Variants in TF observed in about 807,000 individuals in gnomAD.
TF encodes serotransferrin.
In TF, 55 loss-of-function variants were observed where a neutral mutation model predicts 82.4. The ratio of observed to expected loss-of-function variants is 0.67; its 90% CI spans 0.54 to 0.84. The LOEUF is 0.84. Ranked by LOEUF, TF falls within the 40% of genes least tolerant of loss-of-function variation. TF has a pLI of 0.00. For missense variants in TF, 737 were observed against 868.4 expected (o/e 0.85, Z 1.90); for synonymous variants, 332 against 332.6 (o/e 1.00, Z 0.02).
upstream of TF, among the ~76,000 whole-genome samples, chr3:133,744,014 G>T (rs568385855): frequency 1.3e-5 from 2 of 152,186 alleles, no homozygotes; most frequent in South Asian, 4.1e-4. Context: ...TGTAGATGAC[G>T]TGGGAGCACC....
In TF at chr3:133,777,090, T is replaced by G; in HGVS notation, c.1914T>G (p.Phe638Leu). 1 of 1,614,220 alleles carries G rather than the reference T, an allele frequency of 6.2e-7. No homozygotes were observed. The highest frequency in any genetic ancestry group is 8.5e-7 in the Non-Finnish European group (1 of 1,180,034). The change falls in exon 16 of 17, where the codon TTT becomes TTG. Residue 638 changes from phenylalanine to leucine, a missense_variant. Phe to Leu is a conservative substitution (Grantham distance 22). Coordinates refer to ENST00000402696, the MANE Select transcript of TF (RefSeq NM_001063.4). ...ACGTAACTGACTGCTCGGGCAACTT[T>G]TGTTTGTTCCGGTCGGAAACCAAGG... ...GSNVTDCSGN[F>L]CLFRSETKDL...
At position 133,779,298 on chromosome 3, in the gene TF, G is replaced by C. The variant is rs1934467584; in HGVS notation, c.*678G>C. The C allele has an allele frequency of 6.6e-6, 1 of 152,492 alleles. No homozygotes were observed. The highest frequency in any genetic ancestry group is 2.4e-5 in the African/African-American group (1 of 41,436). 9.4% of individuals were successfully genotyped at this position (152,492 alleles called of 1,614,324 possible). A position where few individuals can be genotyped will look rare whatever the true frequency, so the allele number is the denominator to read the frequency against. The stretch of plus-strand genomic sequence containing the variant: ...CCTTCTCAGCCCAGCTTCCTGTAAG[G>C]TGGAGGCTGACTTTTCTGTCTCACT... On this transcript the variant is annotated 3_prime_UTR_variant, in exon 17 of 17. Transcript: ENST00000402696.
At chr3:133,756,207 G>A (rs1426392333) in intron 5 of TF, 75 bp from the exon 6 acceptor site, 1 of 1,448,312 alleles carries the variant, frequency 6.9e-7, no homozygotes, top group East Asian at 2.3e-5. Context: ...GTGCTGGACA[G>A]TGTGATCAGA....
At chr3:133,768,374 T>C (rs562238536) in intron 13 of TF, among the ~76,000 whole-genome samples, 1 of 152,302 alleles carries the variant, frequency 6.6e-6, no homozygotes, top group Non-Finnish European at 1.5e-5. Context: ...AGCAGAGACT[T>C]GTGTTTGGTA....
chr3:133,704,413 A>T, the TF span: 1 of 180,092 alleles, frequency 5.6e-6, no homozygotes, highest in Admixed American at 5.7e-5. Flanking sequence ...TAGTGTTGAG[A>T]TAATAACTAT....
intron 1 of TF, among the ~76,000 whole-genome samples, chr3:133,746,895 G>A (rs1933517324): frequency 6.6e-6 from 1 of 152,192 alleles, no homozygotes; most frequent in Non-Finnish European, 1.5e-5. Flanking sequence ...GTCCTGCCAA[G>A]GAAGCGGTGC....
At chr3:133,693,612 G>A in the TF span, among the ~76,000 whole-genome samples, 2 of 152,264 alleles carry the variant, frequency 1.3e-5, no homozygotes, top group Non-Finnish European at 2.9e-5. Flanking sequence ...TCAGTGTCAG[G>A]TGCTACTGGA....
chr3:133,706,088 C>T, the TF span, among the ~76,000 whole-genome samples: 8 of 152,226 alleles, frequency 5.3e-5, no homozygotes, highest in African/African-American at 2.4e-5. Flanking sequence ...TGCCAGGAGG[C>T]GGCTGCACCT....
chr3:133,672,440 A>G, the TF span, among the ~76,000 whole-genome samples: 1 of 151,880 alleles, frequency 6.6e-6, no homozygotes, highest in Admixed American at 6.6e-5. Flanking sequence ...TCTCTCACGA[A>G]CACAAATGCA....
intron 13 of TF, among the ~76,000 whole-genome samples, chr3:133,769,401 A>T (rs550733939): frequency 7.2e-5 from 11 of 152,322 alleles, no homozygotes; most frequent in African/African-American, 2.6e-4. Flanking sequence ...TGGTGATAAC[A>T]TATGTTTGAG....
intron 2 of TF, among the ~76,000 whole-genome samples, chr3:133,750,350 A>T (rs1255089975): frequency 6.6e-6 from 1 of 152,122 alleles, no homozygotes; most frequent in Non-Finnish European, 1.5e-5. Context: ...CAAGTGTGGG[A>T]AATTCTACAG....
At chr3:133,706,655 C>T in the TF span, among the ~76,000 whole-genome samples, 4 of 152,104 alleles carry the variant, frequency 2.6e-5, no homozygotes, top group African/African-American at 9.7e-5. Flanking sequence ...AGGTGAAAAC[C>T]AAGTGCATAC....
Position 133,782,528 on chromosome 3 carries a change from G to A in TF, c.*3908G>A, listed in dbSNP as rs2107940375. ...GGAGGATATTAAGTGAAATAAGGCAGATACAGAAAGAAAAATATTACACGA... is the reference window on the plus strand; with the variant it reads ...GGAGGATATTAAGTGAAATAAGGCAAATACAGAAAGAAAAATATTACACGA... On this transcript the variant is annotated 3_prime_UTR_variant, in exon 17 of 17. Coordinates refer to ENST00000402696, the MANE Select transcript of TF (RefSeq NM_001063.4). 6.6e-6 allele frequency: 1 copy of A among 152,160 alleles called. No individual in the cohort carries two copies. Among genetic ancestry groups the A allele is most frequent in the South Asian group, 2.1e-4 (1 of 4,814 alleles). The allele number at this position is 152,160 out of a possible 1,614,324, so 9.4% of individuals were successfully genotyped here. A position where few individuals can be genotyped will look rare whatever the true frequency, so the allele number is the denominator to read the frequency against.
At chr3:133,665,935 C>CAAAAAA in the TF span, among the ~76,000 whole-genome samples, 3 of 52,042 alleles carry the variant, frequency 5.8e-5, no homozygotes, top group Admixed American at 2.2e-4. Flanking sequence ...AACTCCATCT[C>CAAAAAA]AAAAAAAAAA....
chr3:133,725,830 C>A, the TF span, among the ~76,000 whole-genome samples: 1 of 151,834 alleles, frequency 6.6e-6, no homozygotes, highest in Non-Finnish European at 1.5e-5. Context: ...AGATACGTCC[C>A]ATCAATACCT....
chr3:133,787,608 G>A lies in TF; in HGVS notation c.*8988G>A, dbSNP rs1934720031. 2 of 152,170 alleles carry A rather than the reference G, an allele frequency of 1.3e-5. No individual in the cohort carries two copies. The highest frequency in any genetic ancestry group is 1.3e-4 in the Admixed American group (2 of 15,284). 9.4% of individuals were successfully genotyped at this position (152,170 alleles called of 1,614,324 possible). A position where few individuals can be genotyped will look rare whatever the true frequency, so the allele number is the denominator to read the frequency against. On this transcript the variant is annotated 3_prime_UTR_variant, in exon 17 of 17. Coordinates refer to ENST00000402696, the MANE Select transcript of TF (RefSeq NM_001063.4). ...TGGGAAATACTGTGTTTGCAAGTGG[G>A]ATTGTTAAATCACCTCTGTGAACAG...
chr3:133,663,770 G>C, the TF span, among the ~76,000 whole-genome samples: 19 of 152,266 alleles, frequency 1.2e-4, no homozygotes, highest in East Asian at 3.7e-3. Flanking sequence ...GTTCCACACC[G>C]GGGAGGGAGC....
In TF at chr3:133,746,405, C is replaced by T; in HGVS notation, c.-36C>T. 6.3e-7 allele frequency: 1 copy of T among 1,584,452 alleles called. No homozygotes were observed. On this transcript the variant is annotated 5_prime_UTR_variant, in exon 1 of 17. Coordinates refer to ENST00000402696, the MANE Select transcript of TF (RefSeq NM_001063.4). ...CGCCGGAGGCTGCACAGAAGCGAGT[C>T]CGACTGTGCTCGCTGCTCAGCGCCG...
rs121918677 is a variant in TF at position 133,777,188 on chromosome 3, G to A, written c.2012G>A (p.Gly671Glu). ...AGAAACACATATGAAAAATACTTAG[G>A]AGAAGAATATGTCAAGGCTGTTGGT... ...HDRNTYEKYL[G>E]EEYVKAVGNL... is the part of the protein sequence containing the mutation. The change falls in exon 16 of 17, where the codon GGA (glycine) becomes GAA (glutamate). Residue 671 changes from glycine to glutamate, a missense_variant. By Grantham distance (98) the Gly-to-Glu change is moderately conservative. Transcript: ENST00000402696. The A allele has an allele frequency of 3.9e-3, 6,220 of 1,614,010 alleles. 17 individuals carry two copies. Among genetic ancestry groups the A allele is most frequent in the Non-Finnish European group, 4.9e-3 (5,742 of 1,180,012 alleles).
Sources: gnomAD v4.1 joint callset for allele counts (sites outside exome capture counted in the v4.1 genomes callset) on GRCh38, gnomAD v4.1.1 for gene constraint, MANE v1.5 for transcripts, NCBI Gene and HGNC (gene_info 2026-07-23, HGNC 2026-07-21) for gene names.